PDE7B: variants seen among roughly 807,000 people sequenced by gnomAD.
PDE7B encodes 3',5'-cyclic-AMP phosphodiesterase 7B.
A neutral mutation model predicts 56.2 loss-of-function variants in PDE7B; 29 were observed. The observed-to-expected ratio is 0.52, with a 90% CI of 0.38 to 0.70. The LOEUF (loss-of-function observed/expected upper bound fraction) is 0.70, where lower values mean the gene tolerates loss of function less well. Among genes scored for constraint, PDE7B ranks in the 30% least tolerant of loss-of-function variants. The pLI is 0.00. For synonymous variants in PDE7B, 197 were observed against 196.9 expected (o/e 1.00, Z 0.00); for missense variants, 490 against 565.0 (o/e 0.87, Z 1.35).
chr6:135,871,700 C>T (rs1775383837), intron 1 of PDE7B, among the ~76,000 whole-genome samples: 1 of 152,114 alleles, frequency 6.6e-6, no homozygotes, highest in South Asian at 2.1e-4. Context: ...CTAACTGTTC[C>T]GTGCCTCAGT....
intron 6 of PDE7B, among the ~76,000 whole-genome samples, chr6:136,151,556 G>A (rs1053751897): frequency 5.3e-5 from 8 of 152,146 alleles, no homozygotes; most frequent in Non-Finnish European, 8.8e-5. Flanking sequence ...GCTTACTACT[G>A]TTGACTGGAA....
At chr6:136,044,167 C>T (rs1321860119) in intron 2 of PDE7B, 1 of 152,186 alleles carries the variant, frequency 6.6e-6, no homozygotes, top group Non-Finnish European at 1.5e-5. Flanking sequence ...GGAAAATATG[C>T]CTTTCTCTTC....
intron 3 of PDE7B, among the ~76,000 whole-genome samples, chr6:136,132,561 A>G (rs1194120916): frequency 1.3e-5 from 2 of 152,176 alleles, no homozygotes; most frequent in Non-Finnish European, 2.9e-5. Flanking sequence ...TCAACTTCAC[A>G]ATACCTACTT....
At chr6:135,931,437 A>G (rs1774290855) in intron 1 of PDE7B, among the ~76,000 whole-genome samples, 1 of 152,234 alleles carries the variant, frequency 6.6e-6, no homozygotes, top group African/African-American at 2.4e-5. Flanking sequence ...TTAGATGCAG[A>G]AATGTTTCAC....
chr6:135,854,871 G>C (rs1774997101), intron 1 of PDE7B, among the ~76,000 whole-genome samples: 1 of 152,196 alleles, frequency 6.6e-6, no homozygotes, highest in South Asian at 2.1e-4. Context: ...TTATGTACCA[G>C]GCATTGTTAG....
chr6:135,860,799 A>G (rs1488788853), intron 1 of PDE7B, among the ~76,000 whole-genome samples: 1 of 151,980 alleles, frequency 6.6e-6, no homozygotes, highest in Non-Finnish European at 1.5e-5. Flanking sequence ...TTTTGTTTAC[A>G]ATGTTGTTGG....
At chr6:136,080,658 C>A (rs1777191976) in intron 2 of PDE7B, among the ~76,000 whole-genome samples, 2 of 152,164 alleles carry the variant, frequency 1.3e-5, no homozygotes, top group Non-Finnish European at 2.9e-5. Flanking sequence ...ACTCTCTATC[C>A]TAAGGGGCAG....
chr6:135,897,719 T>G (rs963862918), intron 1 of PDE7B, among the ~76,000 whole-genome samples: 1 of 152,174 alleles, frequency 6.6e-6, no homozygotes, highest in African/African-American at 2.4e-5. Context: ...GGCACTAAAT[T>G]TAGTAATGCT....
intron 3 of PDE7B, among the ~76,000 whole-genome samples, chr6:136,112,077 C>A (rs1439942059): frequency 6.6e-6 from 1 of 152,092 alleles, no homozygotes; most frequent in Non-Finnish European, 1.5e-5. Flanking sequence ...GGGTGGGTGT[C>A]CCTCCCCCAC....
In PDE7B at chr6:136,194,078, G is replaced by A. The variant is rs900446496; in HGVS notation, c.*2238G>A. On this transcript the variant is annotated 3_prime_UTR_variant, in exon 13 of 13. Transcript: ENST00000308191. Reference sequence around the variant, plus strand: ...GGCTCCAAAAGAGAATATGTCAGATGTATTCCTACTTCCAAACCTGTCTTA... The same window carrying A: ...GGCTCCAAAAGAGAATATGTCAGATATATTCCTACTTCCAAACCTGTCTTA... The A allele has an allele frequency of 3.9e-5, 6 of 152,120 alleles. No individual in the cohort carries two copies. The highest frequency in any genetic ancestry group is 7.2e-5 in the African/African-American group (3 of 41,406). 9.4% of individuals were successfully genotyped at this position (152,120 alleles called of 1,614,324 possible). A position where few individuals can be genotyped will look rare whatever the true frequency, so the allele number is the denominator to read the frequency against.
intron 1 of PDE7B, among the ~76,000 whole-genome samples, chr6:135,945,083 ACAT>A (rs1774573369): frequency 1.0e-5 from 1 of 99,486 alleles, no homozygotes; most frequent in Non-Finnish European, 2.3e-5. Context: ...ATCACTTTAA[ACAT>A]AATCACTTTA....
chr6:135,858,431 G>T (rs1775079837), intron 1 of PDE7B, among the ~76,000 whole-genome samples: 1 of 152,180 alleles, frequency 6.6e-6, no homozygotes, highest in Non-Finnish European at 1.5e-5. Flanking sequence ...GGTATTGCAG[G>T]TGTAAGCCAC....
At chr6:136,179,697 A>G (rs1779033012) in intron 10 of PDE7B, among the ~76,000 whole-genome samples, 1 of 152,228 alleles carries the variant, frequency 6.6e-6, no homozygotes, top group Admixed American at 6.5e-5. Flanking sequence ...TATATTAACT[A>G]TAGTACATAC....
chr6:136,067,369 A>G (rs1464789588), intron 2 of PDE7B, among the ~76,000 whole-genome samples: 6 of 152,174 alleles, frequency 3.9e-5, no homozygotes, highest in African/African-American at 1.4e-4. Context: ...TCTCAGCCCT[A>G]ATCATCTGCC....
chr6:136,172,614 G>T (rs1232068412), intron 8 of PDE7B, among the ~76,000 whole-genome samples: 1 of 151,782 alleles, frequency 6.6e-6, no homozygotes, highest in Non-Finnish European at 1.5e-5. Context: ...AGTTTCTTTT[G>T]CTGTGCAGAA....
At chr6:136,133,600 A>G (rs537977330) in intron 3 of PDE7B, among the ~76,000 whole-genome samples, 65 of 152,284 alleles carry the variant, frequency 4.3e-4, no homozygotes, top group Middle Eastern at 3.4e-3. Flanking sequence ...CACTTCAATA[A>G]ATAGTCATCT....
chr6:135,981,359 C>T (rs1450897274), intron 2 of PDE7B, among the ~76,000 whole-genome samples: 3 of 151,336 alleles, frequency 2.0e-5, no homozygotes, highest in Non-Finnish European at 2.9e-5. Context: ...GGGTGCAGCG[C>T]ACCAGCATGG....
intron 1 of PDE7B, among the ~76,000 whole-genome samples, chr6:135,873,749 A>G (rs540886560): frequency 2.0e-5 from 3 of 152,162 alleles, no homozygotes; most frequent in Non-Finnish European, 4.4e-5. Context: ...ATTCACAGAC[A>G]TAGACAATGT....
In PDE7B at chr6:136,027,465, A is replaced by G. The variant is rs150314217; in HGVS notation, c.82+79941A>G. Among the ~76,000 whole-genome samples the G allele has an allele frequency of 4.9e-3, 743 of 152,250 alleles. 3 individuals carry two copies. Among genetic ancestry groups the G allele is most frequent in the African/African-American group, 0.016 (661 of 41,540 alleles). On this transcript the variant is annotated intron_variant, in intron 2 of 12. Coordinates refer to ENST00000308191, the MANE Select transcript of PDE7B (RefSeq NM_018945.4). Reference sequence around the variant, plus strand: ...TATCAAATAAAAAATAATCAGCAAAAACATAATTAACCACCCATGTTTTCC... The same window carrying G: ...TATCAAATAAAAAATAATCAGCAAAGACATAATTAACCACCCATGTTTTCC...
Sources: allele counts gnomAD v4.1 joint callset (sites outside exome capture counted in the v4.1 genomes callset), GRCh38; gene constraint gnomAD v4.1.1; transcripts MANE v1.5; gene names NCBI Gene and HGNC (gene_info 2026-07-23, HGNC 2026-07-21).